Variants in SCAI observed in about 807,000 individuals in gnomAD.
The protein encoded by SCAI is suppressor of cancer cell invasion.
A neutral mutation model predicts 92.2 loss-of-function variants in SCAI; 24 were observed. The ratio of observed to expected loss-of-function variants is 0.26; its 90% CI spans 0.19 to 0.37. SCAI has a LOEUF of 0.37. Ranked by LOEUF, SCAI falls within the 10% of genes least tolerant of loss-of-function variation. The pLI is 1.00. For synonymous variants in SCAI, 261 were observed against 258.6 expected (o/e 1.01, Z -0.09); for missense variants, 450 against 736.2 (o/e 0.61, Z 4.50).
At chr9:125,132,693 G>A (rs930120299) in intron 2 of SCAI, among the ~76,000 whole-genome samples, 1 of 152,148 alleles carries the variant, frequency 6.6e-6, no homozygotes, top group Non-Finnish European at 1.5e-5. Context: ...TCTCAGGCTG[G>A]TGCGGTGGCT....
intron 2 of SCAI, among the ~76,000 whole-genome samples, chr9:125,082,164 G>C (rs1834234475): frequency 6.6e-6 from 1 of 152,174 alleles, no homozygotes; most frequent in Admixed American, 6.5e-5. Context: ...GAGACTTGGT[G>C]CCCTGCATCC....
chr9:125,014,847 G>C (rs975523544), intron 9 of SCAI, among the ~76,000 whole-genome samples: 25 of 152,114 alleles, frequency 1.6e-4, no homozygotes, highest in Non-Finnish European at 3.1e-4. Context: ...TAGATCAATG[G>C]AACAGAACAG....
At chr9:124,985,214 C>T (rs1439088298) in intron 14 of SCAI, among the ~76,000 whole-genome samples, 1 of 152,200 alleles carries the variant, frequency 6.6e-6, no homozygotes, top group African/African-American at 2.4e-5. Flanking sequence ...GACACTTCCT[C>T]TCCCTTCCAT....
intron 14 of SCAI, among the ~76,000 whole-genome samples, chr9:124,977,623 CTGAT>C (rs1245056539): frequency 6.6e-6 from 1 of 152,152 alleles, no homozygotes; most frequent in Non-Finnish European, 1.5e-5. Context: ...ACAATGAGCT[CTGAT>C]TGTGCCACTG....
intron 2 of SCAI, among the ~76,000 whole-genome samples, chr9:125,116,415 C>T (rs75953520): frequency 1.4e-4 from 21 of 151,376 alleles, no homozygotes; most frequent in Admixed American, 6.6e-4. Context: ...AATGAATAAA[C>T]GAGGGGAAAA....
At chr9:125,129,383 G>C (rs1308481328) in intron 2 of SCAI, among the ~76,000 whole-genome samples, 1 of 149,832 alleles carries the variant, frequency 6.7e-6, no homozygotes, top group Non-Finnish European at 1.5e-5. Context: ...GGAGGTTGCA[G>C]TGAGCCGAGA....
At position 125,143,425 on chromosome 9, in the gene SCAI, C is replaced by T. The variant is rs1228036967; in HGVS notation, c.13G>A (p.Ala5Thr). Residue 5 changes from alanine to threonine, a missense_variant, in exon 1 of 18, where the codon GCC (alanine) becomes ACC (threonine). Ala to Thr is a moderately conservative substitution (Grantham distance 58). Around this residue, in one of 3 missense-constraint regions of SCAI, gnomAD observed 70 missense variants for 66.3 expected, o/e 1.06. Coordinates refer to ENST00000336505, the MANE Select transcript of SCAI (RefSeq NM_001144877.3). MVRG[A>T]RQPQQPRSRL... The stretch of plus-strand genomic sequence containing the variant: ...CTCCGCGGCTGCTGGGGCTGCCGGG[C>T]TCCTCTGACCATCCGGCTCCTGCTC... 7.2e-7 allele frequency: 1 copy of T among 1,396,216 alleles called. No homozygotes were observed. The highest frequency in any genetic ancestry group is 2.6e-4 in the Middle Eastern group (1 of 3,896). 86.5% of individuals were successfully genotyped at this position (1,396,216 alleles called of 1,614,324 possible). A position where few individuals can be genotyped will look rare whatever the true frequency, so the allele number is the denominator to read the frequency against.
In SCAI at chr9:125,103,488, C is replaced by T. The variant is rs548600747; in HGVS notation, c.98+39145G>A. 3.3e-5 allele frequency among the ~76,000 whole-genome samples: 5 copies of T among 152,292 alleles called. No homozygotes were observed. In the East Asian group the frequency reaches 9.6e-4, roughly 29 times the overall value. Reference sequence around the variant, plus strand: ...TTAACATTAACAGTAATAACCACCACCAGAAATGTCTTTTACATCCCAAGC... The same window carrying T: ...TTAACATTAACAGTAATAACCACCATCAGAAATGTCTTTTACATCCCAAGC... On this transcript the variant is annotated intron_variant, in intron 2 of 17. Coordinates refer to ENST00000336505, the MANE Select transcript of SCAI (RefSeq NM_001144877.3).
At chr9:125,005,475 G>GTA (rs1199129364) in intron 9 of SCAI, among the ~76,000 whole-genome samples, 3 of 152,156 alleles carry the variant, frequency 2.0e-5, no homozygotes, top group African/African-American at 7.2e-5. Flanking sequence ...GGGATTACAG[G>GTA]CATGTGCCAC....
intron 2 of SCAI, among the ~76,000 whole-genome samples, chr9:125,061,256 G>A (rs755168473): frequency 4.6e-5 from 7 of 151,794 alleles, no homozygotes; most frequent in African/African-American, 1.2e-4. Flanking sequence ...GAGATCGCGC[G>A]ACTGCACTCC....
At chr9:125,100,425 G>T (rs1391085426) in intron 2 of SCAI, among the ~76,000 whole-genome samples, 2 of 152,158 alleles carry the variant, frequency 1.3e-5, no homozygotes, top group African/African-American at 4.8e-5. Context: ...GGCCAGATAG[G>T]TTAATGACAT....
chr9:125,009,290 G>C (rs1175203813), intron 9 of SCAI, among the ~76,000 whole-genome samples: 1 of 152,170 alleles, frequency 6.6e-6, no homozygotes, highest in East Asian at 1.9e-4. Context: ...TTTATTTAGA[G>C]ACGGAGTCTT....
At chr9:125,072,547 A>G (rs1358554749) in intron 2 of SCAI, among the ~76,000 whole-genome samples, 3 of 152,194 alleles carry the variant, frequency 2.0e-5, no homozygotes, top group Non-Finnish European at 4.4e-5. Flanking sequence ...TAAAATATAC[A>G]TATTTACCAT....
chr9:125,035,029 T>C (rs1264786233), intron 3 of SCAI, among the ~76,000 whole-genome samples: 1 of 152,144 alleles, frequency 6.6e-6, no homozygotes, highest in Non-Finnish European at 1.5e-5. Flanking sequence ...AATAAAAACA[T>C]GAAGCTATAA....
intron 17 of SCAI, among the ~76,000 whole-genome samples, chr9:124,961,965 A>C (rs532432149): frequency 3.3e-5 from 5 of 150,990 alleles, no homozygotes; most frequent in African/African-American, 1.2e-4. Flanking sequence ...GGCACCTGGG[A>C]ACTTGTCTGC....
At chr9:124,988,487 TA>T (rs559037484) in intron 14 of SCAI, among the ~76,000 whole-genome samples, 1 of 152,132 alleles carries the variant, frequency 6.6e-6, no homozygotes. Flanking sequence ...AACCATGATT[TA>T]AAAAAACCCA....
chr9:125,017,177 A>C (rs918747537), intron 9 of SCAI, among the ~76,000 whole-genome samples: 1 of 152,210 alleles, frequency 6.6e-6, no homozygotes, highest in Non-Finnish European at 1.5e-5. Flanking sequence ...CACTTTTCTA[A>C]AGTAAATCTA....
rs1297992051 is a variant in SCAI, at chr9:124,949,970, TAAGG to T, written c.*2833_*2836del. 6.6e-6 allele frequency: 1 copy of T among 152,210 alleles called. No individual in the cohort carries two copies. The highest frequency in any genetic ancestry group is 2.4e-5 in the African/African-American group (1 of 41,456). The allele number at this position is 152,210 out of a possible 1,614,324, so 9.4% of individuals were successfully genotyped here. A position where few individuals can be genotyped will look rare whatever the true frequency, so the allele number is the denominator to read the frequency against. On this transcript the variant is annotated 3_prime_UTR_variant, in exon 18 of 18. Coordinates refer to ENST00000336505, the MANE Select transcript of SCAI (RefSeq NM_001144877.3). The surrounding 1 kb of genome is among the most constrained non-coding windows in gnomAD (Gnocchi z 4.0). ...TCCACTTTAGATTTTTAACTACCAGTAAGGAATTACACTATTAGCTTAAGGGGCA... is the reference window on the plus strand; with the variant it reads ...TCCACTTTAGATTTTTAACTACCAGTAATTACACTATTAGCTTAAGGGGCA...
intron 2 of SCAI, among the ~76,000 whole-genome samples, chr9:125,085,130 CTG>C (rs998639392): frequency 2.8e-4 from 43 of 152,282 alleles, no homozygotes; most frequent in Admixed American, 6.5e-4. Context: ...TAAAAGTAGA[CTG>C]TGTTTTTTAT....
Sources: allele counts gnomAD v4.1 joint callset (sites outside exome capture counted in the v4.1 genomes callset), GRCh38; gene constraint gnomAD v4.1.1; regional missense constraint gnomAD v4.1.1; non-coding constraint Gnocchi (gnomAD v3.1); transcripts MANE v1.5; gene names NCBI Gene and HGNC (gene_info 2026-07-23, HGNC 2026-07-21).